FSHR: variants seen among roughly 807,000 people sequenced by gnomAD.
FSHR encodes follicle stimulating hormone receptor.
In FSHR, 46 loss-of-function variants were observed where a neutral mutation model predicts 52.1. That is an observed-to-expected ratio of 0.88 (90% CI 0.70 to 1.13). FSHR has a LOEUF of 1.13. Ranked by LOEUF, FSHR falls within the 50% of genes most tolerant of loss-of-function variation. The pLI is 0.00. For synonymous variants in FSHR, 399 were observed against 309.6 expected (o/e 1.29, Z -3.03); for missense variants, 964 against 834.6 (o/e 1.16, Z -1.91).
intron 1 of FSHR, among the ~76,000 whole-genome samples, chr2:49,084,565 C>T (rs898648159): frequency 8.6e-5 from 13 of 152,024 alleles, no homozygotes; most frequent in African/African-American, 3.1e-4. Context: ...AGCTGGTTTT[C>T]TGAAAGGATC....
intron 1 of FSHR, among the ~76,000 whole-genome samples, chr2:49,070,997 A>C (rs1669707597): frequency 1.3e-5 from 2 of 152,126 alleles, no homozygotes; most frequent in South Asian, 4.1e-4. Flanking sequence ...AAAACCAAGG[A>C]ACCCTGGGGG....
At chr2:49,131,748 C>A (rs1020141932) in intron 1 of FSHR, among the ~76,000 whole-genome samples, 1 of 152,156 alleles carries the variant, frequency 6.6e-6, no homozygotes, top group Admixed American at 6.6e-5. Flanking sequence ...ATATTATTTC[C>A]TTCAGGAACA....
chr2:49,056,622 A>C (rs1192493591), intron 2 of FSHR, among the ~76,000 whole-genome samples: 1 of 151,940 alleles, frequency 6.6e-6, no homozygotes, highest in African/African-American at 2.4e-5. Context: ...AGTGAAAATC[A>C]ACAAAGAAAC....
At chr2:49,016,880 A>G (rs1179716897) in intron 4 of FSHR, among the ~76,000 whole-genome samples, 1 of 152,212 alleles carries the variant, frequency 6.6e-6, no homozygotes. Flanking sequence ...TCCAGCGACC[A>G]AATTCTTAAC....
intron 8 of FSHR, among the ~76,000 whole-genome samples, chr2:48,979,255 G>A (rs1052996258): frequency 5.9e-5 from 9 of 152,046 alleles, no homozygotes; most frequent in African/African-American, 2.2e-4. Flanking sequence ...GATCAGCCTT[G>A]GCAACATAGT....
chr2:49,067,470 A>G (rs958718687), intron 2 of FSHR, among the ~76,000 whole-genome samples: 11 of 152,062 alleles, frequency 7.2e-5, no homozygotes, highest in Admixed American at 5.3e-4. Flanking sequence ...ATTCATTGCT[A>G]TACTTACTGG....
intron 2 of FSHR, among the ~76,000 whole-genome samples, chr2:49,062,896 AC>A (rs911575273): frequency 3.3e-5 from 5 of 152,104 alleles, no homozygotes; most frequent in Non-Finnish European, 5.9e-5. Context: ...TATAAAAAAA[AC>A]AACAGAAACC....
chr2:49,066,587 G>C (rs1347518355), intron 2 of FSHR, among the ~76,000 whole-genome samples: 2 of 152,046 alleles, frequency 1.3e-5, no homozygotes, highest in Admixed American at 6.6e-5. Flanking sequence ...TGCCAGTTCA[G>C]GATGATTAAT....
intron 1 of FSHR, among the ~76,000 whole-genome samples, chr2:49,133,343 A>G (rs577651556): frequency 6.6e-6 from 1 of 152,266 alleles, no homozygotes; most frequent in South Asian, 2.1e-4. Context: ...CAGTGAATCC[A>G]TGTCAGGAGA....
At chr2:49,066,623 G>C (rs1373886701) in intron 2 of FSHR, among the ~76,000 whole-genome samples, 1 of 152,072 alleles carries the variant, frequency 6.6e-6, no homozygotes, top group African/African-American at 2.4e-5. Context: ...AAATGTACAA[G>C]CTGTGTCTGA....
chr2:49,139,011 A>G (rs917999691), intron 1 of FSHR, among the ~76,000 whole-genome samples: 1 of 152,218 alleles, frequency 6.6e-6, no homozygotes, highest in Non-Finnish European at 1.5e-5. Flanking sequence ...AGGCTTTGTC[A>G]ATAACGGACA....
chr2:49,060,211 A>C (rs571130916), intron 2 of FSHR, among the ~76,000 whole-genome samples: 1 of 152,188 alleles, frequency 6.6e-6, no homozygotes, highest in African/African-American at 2.4e-5. Context: ...GGATGCAGAG[A>C]AAAAGGTACC....
intron 4 of FSHR, among the ~76,000 whole-genome samples, chr2:49,015,853 A>G (rs1291159312): frequency 6.6e-6 from 1 of 152,200 alleles, no homozygotes; most frequent in African/African-American, 2.4e-5. Flanking sequence ...ACAGCAGAGA[A>G]TGAAACCCAG....
chr2:48,975,253 T>C (rs1382916607), intron 8 of FSHR, among the ~76,000 whole-genome samples: 4 of 152,058 alleles, frequency 2.6e-5, no homozygotes, highest in African/African-American at 9.7e-5. Context: ...GAACTCCAGG[T>C]TCTCAGGCTT....
chr2:49,081,184 G>T (rs926138639), intron 1 of FSHR, among the ~76,000 whole-genome samples: 2 of 151,924 alleles, frequency 1.3e-5, no homozygotes, highest in African/African-American at 2.4e-5. Flanking sequence ...CTCTTGATCT[G>T]TTGGCCTCAC....
chr2:49,081,645 C>A (rs1410143411), intron 1 of FSHR, among the ~76,000 whole-genome samples: 1 of 152,102 alleles, frequency 6.6e-6, no homozygotes, highest in African/African-American at 2.4e-5. Context: ...AAATAATTCA[C>A]CACTATGACA....
chr2:48,987,757 A>G (rs750614488), intron 6 of FSHR, among the ~76,000 whole-genome samples: 8 of 151,278 alleles, frequency 5.3e-5, no homozygotes, highest in Non-Finnish European at 8.8e-5. Flanking sequence ...TTCTTTGTAT[A>G]TCATTCATTC....
At chr2:49,127,829 CCTCTTCT>C in intron 1 of FSHR, among the ~76,000 whole-genome samples, 1 of 40,900 alleles carries the variant, frequency 2.4e-5, no homozygotes, top group Non-Finnish European at 4.2e-5. Flanking sequence ...TCTTCTTCTT[CCTCTTCT>C]TCTTCTTCTT....
chr2:48,987,739 C>A (rs76495047), intron 6 of FSHR, among the ~76,000 whole-genome samples: 1 of 151,824 alleles, frequency 6.6e-6, no homozygotes, highest in Non-Finnish European at 1.5e-5. Flanking sequence ...AGAATGATTG[C>A]TCTTTTTTTC....
Sources: gnomAD v4.1 joint callset for allele counts (sites outside exome capture counted in the v4.1 genomes callset) on GRCh38, gnomAD v4.1.1 for gene constraint, MANE v1.5 for transcripts, NCBI Gene and HGNC (gene_info 2026-07-23, HGNC 2026-07-21) for gene names.